The following UPRT variants were observed in gnomAD, a reference collection of about 807,000 sequenced individuals.
UPRT encodes uracil phosphoribosyltransferase homolog, also known as RP11-311P8.3.
UPRT carries 5 observed loss-of-function variants against 22.6 expected under a neutral mutation model. The ratio of observed to expected loss-of-function variants is 0.22; its 90% CI spans 0.12 to 0.47. The LOEUF is 0.47. Ranked by LOEUF, UPRT falls within the 20% of genes least tolerant of loss-of-function variation. The probability of loss-of-function intolerance (pLI) is 0.99; values close to 1 mark genes in which losing one functional copy is unlikely to be tolerated. For missense variants in UPRT, 181 were observed against 239.9 expected, an observed-to-expected ratio of 0.75 and a Z score of 1.62; for synonymous variants, 77 against 87.7, an observed-to-expected ratio of 0.88 and a Z score of 0.68.
chrX:75,187,092 T>C (rs2082295521), intron 4 of UPRT, among the ~76,000 whole-genome samples: 1 of 111,699 alleles, frequency 9.0e-6, no homozygotes, highest in Non-Finnish European at 1.9e-5. Flanking sequence ...TTTTGCTCGT[T>C]AGTTGATGCA....
chrX:75,297,371 TAC>T, intron 3 of UPRT, 118 bp from the exon 4 acceptor site: 3 of 605,402 alleles, frequency 5.0e-6, no homozygotes, highest in Non-Finnish European at 8.0e-6. Context: ...TCAGGCATTA[TAC>T]AGTGTGTCTG....
intron 4 of UPRT, among the ~76,000 whole-genome samples, chrX:75,228,210 T>C (rs1380853008): frequency 8.9e-6 from 1 of 111,898 alleles, no homozygotes; most frequent in African/African-American, 3.3e-5. Context: ...TTCAAAGATG[T>C]TTCAAATTGA....
intron 1 of UPRT, among the ~76,000 whole-genome samples, chrX:75,283,153 G>A (rs144246645): frequency 0.019 from 2,111 of 111,613 alleles, 29 homozygotes; most frequent in Non-Finnish European, 0.032. Context: ...TTTACCTTAC[G>A]TTTGTGTGAG....
chrX:75,216,211 C>T (rs2147631158), intron 4 of UPRT, among the ~76,000 whole-genome samples: 1 of 112,307 alleles, frequency 8.9e-6, no homozygotes, highest in South Asian at 3.6e-4. Flanking sequence ...GTTAGTTCAA[C>T]ATTTGAAAAT....
intron 4 of UPRT, among the ~76,000 whole-genome samples, chrX:75,216,460 G>A (rs1429240141): frequency 1.8e-5 from 2 of 112,452 alleles, no homozygotes; most frequent in African/African-American, 6.5e-5. Flanking sequence ...AAGCAAGAAT[G>A]GCTGGATAAT....
intron 4 of UPRT, among the ~76,000 whole-genome samples, chrX:75,185,741 T>C (rs1300577480): frequency 7.1e-5 from 8 of 112,088 alleles, no homozygotes; most frequent in African/African-American, 2.6e-4. Context: ...CTTCCTGGTT[T>C]AGTCTTGGGA....
chrX:75,269,697 G>A (rs1044363388), upstream of UPRT, among the ~76,000 whole-genome samples: 5 of 111,785 alleles, frequency 4.5e-5, no homozygotes, highest in Admixed American at 4.8e-4. Flanking sequence ...AAACAGGCTA[G>A]CCATATGCAG....
At chrX:75,197,785 T>C (rs1380104771) in intron 4 of UPRT, among the ~76,000 whole-genome samples, 1 of 111,817 alleles carries the variant, frequency 8.9e-6, no homozygotes, top group Non-Finnish European at 1.9e-5. Flanking sequence ...TAATGAGATA[T>C]GAATTAATAT....
chrX:75,204,351 G>A (rs901613826), intron 4 of UPRT, among the ~76,000 whole-genome samples: 1 of 112,152 alleles, frequency 8.9e-6, no homozygotes, highest in Non-Finnish European at 1.9e-5. Flanking sequence ...TAGGCAAAAT[G>A]TTAATGTTTG....
At chrX:75,173,097 C>T (rs747201790) in intron 4 of UPRT, among the ~76,000 whole-genome samples, 141 of 111,552 alleles carry the variant, frequency 1.3e-3, no homozygotes, top group African/African-American at 4.5e-3. Context: ...TTTCCATGTC[C>T]TTATCAGATT....
intron 4 of UPRT, among the ~76,000 whole-genome samples, chrX:75,178,974 C>T (rs772769943): frequency 4.5e-5 from 5 of 111,340 alleles, no homozygotes; most frequent in East Asian, 2.8e-4. Context: ...CTGATTGGTG[C>T]GTTTACAATC....
intron 3 of UPRT, among the ~76,000 whole-genome samples, chrX:75,164,406 A>G (rs893119290): frequency 3.6e-5 from 4 of 111,802 alleles, no homozygotes; most frequent in Non-Finnish European, 7.5e-5. Flanking sequence ...AAACTCTGTA[A>G]TAACATTACA....
intron 4 of UPRT, among the ~76,000 whole-genome samples, chrX:75,231,570 T>C (rs1476824863): frequency 8.9e-6 from 1 of 111,954 alleles, no homozygotes; most frequent in Admixed American, 9.5e-5. Flanking sequence ...GCTAGAGATA[T>C]AGGCATCCAA....
chrX:75,182,654 GTC>G (rs1320029261), intron 4 of UPRT, among the ~76,000 whole-genome samples: 1 of 111,701 alleles, frequency 9.0e-6, no homozygotes, highest in Non-Finnish European at 1.9e-5. Context: ...GTTCATAACA[GTC>G]TCTCTGTGTT....
intron 1 of UPRT, among the ~76,000 whole-genome samples, chrX:75,285,207 T>C (rs2082675067): frequency 9.0e-6 from 1 of 111,004 alleles, no homozygotes; most frequent in Non-Finnish European, 1.9e-5. Flanking sequence ...GCTTGAAAAA[T>C]TGCCCAGACT....
At chrX:75,247,722 G>T (rs1023700685) in intron 4 of UPRT, among the ~76,000 whole-genome samples, 4 of 112,391 alleles carry the variant, frequency 3.6e-5, no homozygotes, top group African/African-American at 1.3e-4. Context: ...TTTGAAGAGA[G>T]TAGTGGTTCT....
intron 4 of UPRT, among the ~76,000 whole-genome samples, chrX:75,233,326 T>G (rs1221575378): frequency 1.8e-5 from 2 of 111,176 alleles, no homozygotes; most frequent in Non-Finnish European, 3.8e-5. Flanking sequence ...TACCTGAAAG[T>G]GACGGGGAGA....
Position 75,200,829 on chromosome X carries a change from T to C in UPRT, c.-447+32950T>C, listed in dbSNP as rs186872752. 3.6e-4 allele frequency among the ~76,000 whole-genome samples: 40 copies of C among 111,163 alleles called. No homozygotes were observed. In the East Asian group the frequency reaches 9.4e-3, roughly 26 times the overall value. On this transcript the variant is annotated intron_variant, in intron 4 of 13. Coordinates refer to the UPRT transcript ENST00000652605. The stretch of plus-strand genomic sequence containing the variant: ...ATGTGGTGGCTAATGCCTGTAGTTC[T>C]AGCTACTCAGCAGGCACTGAGGTGG...
chrX:75,265,848 G>A (rs1028507037), intron 4 of UPRT, among the ~76,000 whole-genome samples: 8 of 111,197 alleles, frequency 7.2e-5, no homozygotes. Context: ...ACATACAGAT[G>A]GGGTTTTGGT....
Sources: gnomAD v4.1 joint callset for allele counts (sites outside exome capture counted in the v4.1 genomes callset) on GRCh38, gnomAD v4.1.1 for gene constraint, MANE v1.5 for transcripts, NCBI Gene and HGNC (gene_info 2026-07-23, HGNC 2026-07-21) for gene names.